The following C12orf42 variants were observed in gnomAD, a reference collection of about 807,000 sequenced individuals.
The protein encoded by C12orf42 is uncharacterized protein C12orf42.
In C12orf42, 25 loss-of-function variants were observed where a neutral mutation model predicts 21.6. The ratio of observed to expected loss-of-function variants is 1.16; its 90% CI spans 0.84 to 1.62. The LOEUF is 1.62. C12orf42 is among the 40% of genes most tolerant of loss of function. The probability of loss-of-function intolerance (pLI) is 0.00; values close to 1 mark genes in which losing one functional copy is unlikely to be tolerated. For missense variants in C12orf42, 483 were observed against 459.3 expected, an observed-to-expected ratio of 1.05 and a Z score of -0.47; for synonymous variants, 174 against 175.0, an observed-to-expected ratio of 0.99 and a Z score of 0.05.
the C12orf42 span, among the ~76,000 whole-genome samples, chr12:103,107,042 G>A: frequency 6.6e-6 from 1 of 151,986 alleles, no homozygotes; most frequent in East Asian, 1.9e-4. Flanking sequence ...TAAGAATAGT[G>A]ATAAAAGGAA....
At chr12:103,401,116 C>T (rs149183079) in intron 3 of C12orf42, among the ~76,000 whole-genome samples, 68 of 152,210 alleles carry the variant, frequency 4.5e-4, no homozygotes, top group Admixed American at 3.9e-3. Context: ...ATATGCACAT[C>T]GTAGGGACAA....
the C12orf42 span, among the ~76,000 whole-genome samples, chr12:103,082,637 A>G: frequency 6.6e-6 from 1 of 152,256 alleles, no homozygotes; most frequent in Admixed American, 6.5e-5. Flanking sequence ...TGGCACATGT[A>G]TACATACGTA....
intron 2 of C12orf42, among the ~76,000 whole-genome samples, chr12:103,405,742 C>T (rs2048378243): frequency 6.6e-6 from 1 of 152,104 alleles, no homozygotes; most frequent in Admixed American, 6.5e-5. Context: ...CAGGAGATAG[C>T]TTTTGAAATC....
At chr12:103,486,470 C>G (rs1954841322) in intron 1 of C12orf42, among the ~76,000 whole-genome samples, 1 of 152,054 alleles carries the variant, frequency 6.6e-6, no homozygotes, top group South Asian at 2.1e-4. Context: ...TAATGCTGGC[C>G]TCATAAAATG....
chr12:103,403,407 G>T (rs552296788), intron 2 of C12orf42, among the ~76,000 whole-genome samples: 3 of 152,096 alleles, frequency 2.0e-5, no homozygotes, highest in East Asian at 3.9e-4. Context: ...AGGATGCAGG[G>T]GCACTATCCT....
At chr12:103,203,905 G>A in the C12orf42 span, among the ~76,000 whole-genome samples, 2 of 152,154 alleles carry the variant, frequency 1.3e-5, no homozygotes, top group African/African-American at 4.8e-5. Flanking sequence ...AAGGAGAAGA[G>A]CAGAAATTTA....
the C12orf42 span, among the ~76,000 whole-genome samples, chr12:103,229,812 T>C: frequency 1.3e-5 from 2 of 152,250 alleles, no homozygotes; most frequent in East Asian, 3.8e-4. Flanking sequence ...TCATATATGC[T>C]AATGCATATA....
chr12:103,322,909 A>C (rs1304066391), intron 4 of C12orf42, among the ~76,000 whole-genome samples: 1 of 152,210 alleles, frequency 6.6e-6, no homozygotes, highest in East Asian at 1.9e-4. Context: ...CAAAAGTAAC[A>C]ATGACAATGC....
At chr12:103,114,741 A>AT in the C12orf42 span, among the ~76,000 whole-genome samples, 1 of 152,232 alleles carries the variant, frequency 6.6e-6, no homozygotes, top group Non-Finnish European at 1.5e-5. Context: ...ATTAGAAACA[A>AT]TGCTGTTGAG....
At chr12:103,213,287 C>G in the C12orf42 span, among the ~76,000 whole-genome samples, 1 of 151,998 alleles carries the variant, frequency 6.6e-6, no homozygotes. Flanking sequence ...AATGACTTGC[C>G]CAAGCTCAAG....
chr12:103,273,660 G>C (rs2035593225), intron 5 of C12orf42: 1 of 310,206 alleles, frequency 3.2e-6, no homozygotes, highest in Non-Finnish European at 6.6e-6. Flanking sequence ...AGACCCAAGA[G>C]GTAAGAATAA....
intron 2 of C12orf42, among the ~76,000 whole-genome samples, chr12:103,476,187 C>T (rs1954036773): frequency 6.6e-6 from 1 of 152,110 alleles, no homozygotes; most frequent in Admixed American, 6.5e-5. Context: ...GGTAAAATCC[C>T]CACCATTCAC....
At chr12:103,236,834 TG>T (rs2033483321), downstream of C12orf42, among the ~76,000 whole-genome samples, 1 of 152,204 alleles carries the variant, frequency 6.6e-6, no homozygotes, top group Non-Finnish European at 1.5e-5. Context: ...CACCATTTCA[TG>T]AGGTTTATCT....
chr12:103,251,343 G>A (rs930066245), intron 10 of C12orf42, among the ~76,000 whole-genome samples: 1 of 151,952 alleles, frequency 6.6e-6, no homozygotes, highest in Non-Finnish European at 1.5e-5. Context: ...GCTGGTTAGT[G>A]CCTCTTCTTT....
chr12:103,513,109 C>T, the C12orf42 span, among the ~76,000 whole-genome samples: 1 of 152,222 alleles, frequency 6.6e-6, no homozygotes, highest in East Asian at 1.9e-4. Context: ...TGGAGAAATG[C>T]TCCCCATCCA....
chr12:103,480,980 A>C (rs1044715397), intron 1 of C12orf42, among the ~76,000 whole-genome samples: 2 of 151,748 alleles, frequency 1.3e-5, no homozygotes, highest in Non-Finnish European at 3.0e-5. Flanking sequence ...GAGATATATT[A>C]AAATCTCCCA....
At chr12:103,193,283 A>G in the C12orf42 span, among the ~76,000 whole-genome samples, 1 of 151,848 alleles carries the variant, frequency 6.6e-6, no homozygotes, top group Admixed American at 6.6e-5. Context: ...ATTTAAAAAA[A>G]AGAGAGAAAC....
At chr12:103,238,512 A>G (rs1165068106) in intron 10 of C12orf42, among the ~76,000 whole-genome samples, 2 of 152,186 alleles carry the variant, frequency 1.3e-5, no homozygotes, top group African/African-American at 2.4e-5. Context: ...GCACCACTGG[A>G]CCAGAGAGCA....
chr12:103,296,687 T>G (rs1333040449), intron 4 of C12orf42, among the ~76,000 whole-genome samples: 1 of 152,236 alleles, frequency 6.6e-6, no homozygotes, highest in African/African-American at 2.4e-5. Flanking sequence ...TTCATATCCT[T>G]CACTCACTTG....
Sources: allele counts gnomAD v4.1 joint callset (sites outside exome capture counted in the v4.1 genomes callset), GRCh38; gene constraint gnomAD v4.1.1; transcripts MANE v1.5; gene names NCBI Gene and HGNC (gene_info 2026-07-23, HGNC 2026-07-21).